The following DAGLB variants were observed in gnomAD, a reference collection of about 807,000 sequenced individuals.
DAGLB encodes diacylglycerol lipase beta, also known as diacylglycerol lipase-beta.
In DAGLB, 66 loss-of-function variants were observed where a neutral mutation model predicts 72.1. The ratio of observed to expected loss-of-function variants is 0.92; its 90% CI spans 0.75 to 1.12. The LOEUF (loss-of-function observed/expected upper bound fraction) is 1.12, where lower values mean the gene tolerates loss of function less well. Among genes scored for constraint, DAGLB ranks in the 50% most tolerant of loss-of-function variants. The probability of loss-of-function intolerance (pLI) is 0.00; values close to 1 mark genes in which losing one functional copy is unlikely to be tolerated. For missense variants in DAGLB, 1,065 were observed against 884.9 expected (o/e 1.20, Z -2.58); for synonymous variants, 414 against 359.5 (o/e 1.15, Z -1.71).
intron 11 of DAGLB, among the ~76,000 whole-genome samples, chr7:6,414,503 G>A (rs1328832353): frequency 6.6e-6 from 1 of 151,144 alleles, no homozygotes; most frequent in African/African-American, 2.4e-5. Context: ...CCGGGTCTAT[G>A]TTGCCCAGGC....
rs942377208 is a variant in DAGLB, at chr7:6,431,481, GATAA to G, written c.802-878_802-875del. The stretch of plus-strand genomic sequence containing the variant: ...CTAAAACATAAGCCTTCAAAGATAT[GATAA>G]ATGTGGCCGGATGCAGTGGCTCACG... On this transcript the variant is annotated intron_variant, in intron 5 of 14. Transcript: ENST00000297056. 1.9e-3 allele frequency among the ~76,000 whole-genome samples: 292 copies of G among 152,302 alleles called. 2 individuals are homozygous for G. Among genetic ancestry groups the G allele is most frequent in the African/African-American group, 6.8e-3 (281 of 41,568 alleles).
Position 6,410,187 on chromosome 7 carries a change from G to A in DAGLB, c.1763C>T (p.Pro588Leu), listed in dbSNP as rs1034871158. The A allele has an allele frequency of 3.8e-6, 6 of 1,597,148 alleles. No homozygotes were observed. In the African/African-American group the frequency reaches 6.7e-5, roughly 18 times the overall value. The change falls in exon 14 of 15, where the codon CCC (proline) becomes CTC (leucine). Residue 588 changes from proline (P) to leucine (L), a missense_variant. Pro to Leu is a moderately conservative substitution (Grantham distance 98, BLOSUM62 -3). Coordinates refer to ENST00000297056, the MANE Select transcript of DAGLB (RefSeq NM_139179.4). ...GATCCTGCCGGGAGGGTAGAGAGGGGGGTACTTGGGAGAAGAGTCCAGTGG... is the reference window on the plus strand; with the variant it reads ...GATCCTGCCGGGAGGGTAGAGAGGGAGGTACTTGGGAGAAGAGTCCAGTGG... ...DSPLDSSPKY[P>L]PLYPPGRIIH...
chr7:6,412,853 CTTCAG>C lies in DAGLB; in HGVS notation c.1522_1526del (p.Leu508GlufsTer12), dbSNP rs1562477548. ...GCGCGACCACTCGCAAGATTCTTCT[CTTCAG>C]ATCTTCCAAGTTGGTCACACTGAGC... On this transcript the variant is annotated frameshift_variant, in exon 13 of 15. Coordinates refer to ENST00000297056, the MANE Select transcript of DAGLB (RefSeq NM_139179.4). LOFTEE classifies it high-confidence loss of function. The C allele has an allele frequency of 6.2e-7, 1 of 1,604,944 alleles. No homozygotes were observed. Among genetic ancestry groups the C allele is most frequent in the Non-Finnish European group, 8.5e-7 (1 of 1,174,796 alleles).
At chr7:6,421,978 T>A in intron 8 of DAGLB, 174 bp from the exon 9 acceptor site, 1 of 741,426 alleles carries the variant, frequency 1.3e-6, no homozygotes, top group Non-Finnish European at 2.3e-6. Context: ...CGGTGGCTCC[T>A]GAGGGCCCTG....
chr7:6,422,029 G>T (rs1052988782), intron 8 of DAGLB: 4 of 651,932 alleles, frequency 6.1e-6, no homozygotes, highest in African/African-American at 3.6e-5. Context: ...AGGGTGGAGG[G>T]GACCATGGAG....
intron 13 of DAGLB, among the ~76,000 whole-genome samples, chr7:6,410,619 C>CAGTG (rs1298511543): frequency 1.3e-5 from 2 of 152,208 alleles, no homozygotes; most frequent in Non-Finnish European, 2.9e-5. Context: ...GCAGTAAAAC[C>CAGTG]ATCACACGTG....
At chr7:6,430,744 G>T in intron 5 of DAGLB, 137 bp from the exon 6 acceptor site, 1 of 995,226 alleles carries the variant, frequency 1.0e-6, no homozygotes, top group Non-Finnish European at 1.3e-6. Context: ...GACGCCCACA[G>T]GCAAAACTGC....
chr7:6,412,135 G>C (rs370955802), intron 13 of DAGLB, among the ~76,000 whole-genome samples: 39 of 152,174 alleles, frequency 2.6e-4, no homozygotes, highest in African/African-American at 7.2e-4. Context: ...CTCTGGTCTC[G>C]ATCTCCTGAC....
chr7:6,436,522 T>G lies in DAGLB; in HGVS notation c.259A>C (p.Asn87His). The change falls in exon 3 of 15, where the codon AAC becomes CAC. Residue 87 changes from asparagine (N) to histidine (H), a missense_variant. Transcript: ENST00000297056. ...MCVSMRGTIC[N>H]PGPRKSMSKL... ...GACATAGACTTCCGCGGTCCAGGGT[T>G]ACAAATCGTTCCTGAAATACAAAAA... 1 of 1,613,910 alleles carries G rather than the reference T, an allele frequency of 6.2e-7. No individual in the cohort carries two copies.
rs758811466 is a variant in DAGLB, at chr7:6,447,821, C to G, written c.22G>C (p.Gly8Arg). MPGMVLFGRRWAIASDDL... is the reference protein window; with the variant it reads MPGMVLFRRRWAIASDDL... ...TCGCTGGCGATGGCCCAGCGCCGGC[C>G]GAAGAGTACCATCCCCGGCATGGCG... The change falls in exon 1 of 15, where the codon GGC becomes CGC. Residue 8 changes from glycine to arginine, a missense_variant. By Grantham distance (125) the Gly-to-Arg change is moderately radical. Transcript: ENST00000297056. 6.2e-7 allele frequency: 1 copy of G among 1,612,828 alleles called. No homozygotes were observed.
chr7:6,421,301 TGAGAATCAGGCAGCGCGG>T (rs1186037220), intron 9 of DAGLB, among the ~76,000 whole-genome samples: 8 of 98,466 alleles, frequency 8.1e-5, no homozygotes, highest in South Asian at 2.9e-4. Context: ...AGGGCTGCTG[TGAGAATCAGGCAGCGCGG>T]GAGGCGCAGG....
intron 8 of DAGLB, among the ~76,000 whole-genome samples, chr7:6,424,225 G>A (rs921629912): frequency 6.6e-6 from 1 of 152,230 alleles, no homozygotes; most frequent in Non-Finnish European, 1.5e-5. Context: ...GGGCCCAGGA[G>A]TATGGACTGA....
At chr7:6,435,684 C>T (rs1325308902) in intron 3 of DAGLB, among the ~76,000 whole-genome samples, 1 of 152,112 alleles carries the variant, frequency 6.6e-6, no homozygotes, top group Non-Finnish European at 1.5e-5. Flanking sequence ...GGGCTCTTCT[C>T]ATGAAGGTAT....
At chr7:6,424,960 G>A (rs1364595612) in intron 7 of DAGLB, 125 bp from the exon 8 acceptor site, 25 of 856,370 alleles carry the variant, frequency 2.9e-5, no homozygotes, top group East Asian at 1.6e-4. Context: ...AGGGGACACC[G>A]CCTCTCCACT....
chr7:6,426,010 A>G lies in DAGLB; in HGVS notation c.1034T>C (p.Ile345Thr). Reference protein sequence around the residue: ...HTTGLQYRDFIHVSFHDKVYE... With the variant: ...HTTGLQYRDFTHVSFHDKVYE... ...CACCTTGTCATGGAAGCTGACGTGG[A>G]TGAAGTCCCTGTACTGCAGCCCTGT... is the stretch of plus-strand genomic sequence containing the variant. The change falls in exon 7 of 15, where the codon ATC (isoleucine) becomes ACC (threonine). Residue 345 changes from isoleucine (I) to threonine (T), a missense_variant. Coordinates refer to ENST00000297056, the MANE Select transcript of DAGLB (RefSeq NM_139179.4). 6.2e-7 allele frequency: 1 copy of G among 1,614,162 alleles called. No individual in the cohort carries two copies. Among genetic ancestry groups the G allele is most frequent in the East Asian group, 2.2e-5 (1 of 44,882 alleles).
Position 6,426,125 on chromosome 7 carries a change from G to C in DAGLB, c.930-11C>G, listed in dbSNP as rs1194145563. 1.2e-6 allele frequency: 2 copies of C among 1,613,138 alleles called. No individual in the cohort carries two copies. The highest frequency in any genetic ancestry group is 2.7e-5 in the African/African-American group (2 of 75,032). On this transcript the variant is annotated splice_polypyrimidine_tract_variant and intron_variant, in intron 6 of 14. Transcript: ENST00000297056. ...GTTCTGCTTCTGCAGCTAAAAAGAG[G>C]ACAAAGACGTTACTATGCCGAACAG...
intron 2 of DAGLB, among the ~76,000 whole-genome samples, chr7:6,442,204 TTGGTATGTG>T (rs1784857546): frequency 1.3e-5 from 2 of 152,146 alleles, no homozygotes; most frequent in Admixed American, 1.3e-4. Context: ...TGACGCATAC[TTGGTATGTG>T]TGGGATGGGG....
chr7:6,440,870 A>G (rs1285811982), intron 2 of DAGLB, among the ~76,000 whole-genome samples: 1 of 152,036 alleles, frequency 6.6e-6, no homozygotes, highest in Non-Finnish European at 1.5e-5. Context: ...TTCCATCTCA[A>G]AATCAATCCA....
chr7:6,415,800 A>G (rs368838186), intron 11 of DAGLB, among the ~76,000 whole-genome samples: 59 of 151,204 alleles, frequency 3.9e-4, no homozygotes, highest in African/African-American at 1.0e-3. Flanking sequence ...AGCCGAGATC[A>G]CGCCACTGCA....
Sources: allele counts gnomAD v4.1 joint callset (sites outside exome capture counted in the v4.1 genomes callset), GRCh38; gene constraint gnomAD v4.1.1; transcripts MANE v1.5; gene names NCBI Gene and HGNC (gene_info 2026-07-23, HGNC 2026-07-21).